CLTCL1: variants seen among roughly 807,000 people sequenced by gnomAD.
CLTCL1 encodes the protein clathrin heavy chain 2.
CLTCL1 carries 159 observed loss-of-function variants against 190.0 expected under a neutral mutation model. The observed-to-expected ratio is 0.84, with a 90% CI of 0.74 to 0.95. CLTCL1 has a LOEUF of 0.95. Ranked by LOEUF, CLTCL1 falls within the 40% of genes least tolerant of loss-of-function variation. CLTCL1 has a pLI of 0.00. For synonymous variants in CLTCL1, 752 were observed against 769.6 expected, an observed-to-expected ratio of 0.98 and a Z score of 0.38; for missense variants, 1,878 against 2,033.4, an observed-to-expected ratio of 0.92 and a Z score of 1.47.
intron 18 of CLTCL1, among the ~76,000 whole-genome samples, chr22:19,218,415 A>G (rs1555950688): frequency 1.3e-5 from 2 of 152,230 alleles, no homozygotes; most frequent in African/African-American, 4.8e-5. Context: ...CCTTCCATAA[A>G]TCTCAAAGTA....
At chr22:19,187,253 T>C (rs2084343797) in intron 29 of CLTCL1, among the ~76,000 whole-genome samples, 1 of 152,172 alleles carries the variant, frequency 6.6e-6, no homozygotes, top group Non-Finnish European at 1.5e-5. Flanking sequence ...GAAGTGAATC[T>C]TGCCACACTG....
intron 4 of CLTCL1, among the ~76,000 whole-genome samples, chr22:19,241,243 A>G (rs954737043): frequency 6.6e-6 from 1 of 152,216 alleles, no homozygotes; most frequent in Non-Finnish European, 1.5e-5. Flanking sequence ...GTCTGTGTAC[A>G]GAGCCCCGCT....
intron 6 of CLTCL1, among the ~76,000 whole-genome samples, chr22:19,235,038 A>G (rs532138467): frequency 2.0e-4 from 31 of 152,266 alleles, no homozygotes; most frequent in African/African-American, 7.2e-4. Flanking sequence ...TTTCTTTTTT[A>G]AAAAATATTT....
At chr22:19,243,423 G>C (rs2086316419) in intron 3 of CLTCL1, among the ~76,000 whole-genome samples, 1 of 152,152 alleles carries the variant, frequency 6.6e-6, no homozygotes, top group African/African-American at 2.4e-5. Context: ...TTCAAGACTA[G>C]TCTGGGCAAC....
At chr22:19,242,712 G>A (rs1325241583) in intron 4 of CLTCL1, 63 bp downstream of exon 4, 18 of 1,575,722 alleles carry the variant, frequency 1.1e-5, no homozygotes, top group Admixed American at 8.4e-5. Context: ...CCACACACAC[G>A]CACACCCCTA....
Position 19,193,479 on chromosome 22 carries a change from G to A in CLTCL1, c.4192-2044C>T, listed in dbSNP as rs762524. ...GATGGGGTGAGTCCACTAGCCACGC[G>A]CCAGGACATGGAGCACTGGCAGGCC... On this transcript the variant is annotated intron_variant, in intron 26 of 32. Transcript: ENST00000427926. Among the ~76,000 whole-genome samples the A allele has an allele frequency of 5.4e-3, 817 of 152,278 alleles. 6 individuals carry two copies. The highest frequency in any genetic ancestry group is 0.018 in the African/African-American group (730 of 41,542).
At chr22:19,234,330 GTGT>G (rs1555960762) in intron 7 of CLTCL1, among the ~76,000 whole-genome samples, 176 bp downstream of exon 7, 1 of 152,170 alleles carries the variant, frequency 6.6e-6, no homozygotes, top group Non-Finnish European at 1.5e-5. Context: ...CAGCAAGAGT[GTGT>G]TTTTTGTTTA....
chr22:19,229,039 G>A (rs1486198254), intron 11 of CLTCL1, among the ~76,000 whole-genome samples: 1 of 152,130 alleles, frequency 6.6e-6, no homozygotes, highest in African/African-American at 2.4e-5. Context: ...TCCTCAAAAA[G>A]GTAAACATAG....
intron 2 of CLTCL1, 139 bp downstream of exon 2, chr22:19,275,484 T>C: frequency 1.1e-6 from 1 of 902,480 alleles, no homozygotes; most frequent in South Asian, 1.7e-5. Context: ...AACATAACTT[T>C]TGCTAAAACT....
intron 18 of CLTCL1, 28 bp from the exon 19 acceptor site, chr22:19,216,284 T>C (rs1555949464): frequency 1.9e-6 from 3 of 1,610,586 alleles, no homozygotes; most frequent in East Asian, 4.5e-5. Flanking sequence ...TTGAAAGAAC[T>C]TGATTAAAGT....
At chr22:19,279,852 G>A (rs1362397249) in intron 1 of CLTCL1, among the ~76,000 whole-genome samples, 4 of 152,012 alleles carry the variant, frequency 2.6e-5, no homozygotes, top group African/African-American at 9.7e-5. Context: ...CCCAAACAAT[G>A]TATGAAACAA....
Position 19,235,683 on chromosome 22 carries a change from C to G in CLTCL1, c.969+13G>C. 6.2e-7 allele frequency: 1 copy of G among 1,603,448 alleles called. No individual in the cohort carries two copies. The highest frequency in any genetic ancestry group is 8.5e-7 in the Non-Finnish European group (1 of 1,174,394). On this transcript the variant is annotated intron_variant, in intron 6 of 32. Transcript: ENST00000427926. ...ATGGAAAAGGTAGAAAATGAAATGTCAGAGTTACACACCTGTCCCTTTTTG... is the reference window on the plus strand; with the variant it reads ...ATGGAAAAGGTAGAAAATGAAATGTGAGAGTTACACACCTGTCCCTTTTTG...
chr22:19,241,645 G>A (rs2086256877), intron 4 of CLTCL1, among the ~76,000 whole-genome samples: 1 of 152,242 alleles, frequency 6.6e-6, no homozygotes, highest in Admixed American at 6.5e-5. Flanking sequence ...CAAGACGACT[G>A]TCTTGAAGCA....
At position 19,239,364 on chromosome 22, in the gene CLTCL1, G is replaced by A; in HGVS notation, c.706C>T (p.Pro236Ser). Residue 236 changes from proline to serine, a missense_variant, in exon 5 of 33, where the codon CCT becomes TCT. Transcript: ENST00000427926. Reference protein sequence around the residue: ...GKLHIIEVGQPAAGNQPFVKK... With the variant: ...GKLHIIEVGQSAAGNQPFVKK... ...ACAAAAGGTTGGTTTCCCGCTGCAGGCTGTCCAACTTCAATGATGTGCAAC... is the reference window on the plus strand; with the variant it reads ...ACAAAAGGTTGGTTTCCCGCTGCAGACTGTCCAACTTCAATGATGTGCAAC... 1 of 1,613,928 alleles carries A rather than the reference G, an allele frequency of 6.2e-7. No individual in the cohort carries two copies. The highest frequency in any genetic ancestry group is 8.5e-7 in the Non-Finnish European group (1 of 1,179,814).
chr22:19,280,318 T>C (rs543567520), intron 1 of CLTCL1, among the ~76,000 whole-genome samples: 11 of 152,082 alleles, frequency 7.2e-5, no homozygotes, highest in African/African-American at 2.7e-4. Flanking sequence ...AGATACTGGA[T>C]GATACTGAGA....
intron 22 of CLTCL1, chr22:19,207,868 C>T (rs781832369): frequency 4.6e-5 from 29 of 629,380 alleles, no homozygotes; most frequent in Middle Eastern, 8.3e-4. Context: ...CAGATGGGAC[C>T]ATCTAGTTGC....
rs1472377183 is a variant in CLTCL1, at chr22:19,225,382, A to G, written c.2128+71T>C. On this transcript the variant is annotated intron_variant, in intron 13 of 32. Coordinates refer to ENST00000427926, the MANE Select transcript of CLTCL1 (RefSeq NM_007098.4). ...GCAGGAAGGCCGTCTTAAGGCGGGC[A>G]GGTAGGCAGCAACACCTGAGAAAGG... The G allele has an allele frequency of 3.5e-6, 5 of 1,446,842 alleles. No homozygotes were observed. The East Asian group carries it at 1.0e-4, about 29-fold the overall frequency. 89.6% of individuals were successfully genotyped at this position (1,446,842 alleles called of 1,614,324 possible). A position where few individuals can be genotyped will look rare whatever the true frequency, so the allele number is the denominator to read the frequency against.
At chr22:19,194,183 C>A (rs954882520) in intron 26 of CLTCL1, among the ~76,000 whole-genome samples, 29 of 152,188 alleles carry the variant, frequency 1.9e-4, no homozygotes, top group African/African-American at 7.0e-4. Context: ...GGTGTACTTA[C>A]AATCCTTTAG....
At position 19,208,203 on chromosome 22, in the gene CLTCL1, G is replaced by A. The variant is rs2085110943; in HGVS notation, c.3551C>T (p.Ser1184Phe). 1.2e-6 allele frequency: 2 copies of A among 1,613,848 alleles called. No individual in the cohort carries two copies. The highest frequency in any genetic ancestry group is 2.7e-5 in the African/African-American group (2 of 75,034). ...TCCATTAATAAAATCTTCTAGCTCA[G>A]AAACACGGCTGGTTTTAGCCAAGGC... ...IFALAKTSRV[S>F]ELEDFINGPN... Residue 1184 changes from serine to phenylalanine, a missense_variant, in exon 22 of 33, where the codon TCT becomes TTT. Ser to Phe is a radical substitution (Grantham distance 155). Coordinates refer to ENST00000427926, the MANE Select transcript of CLTCL1 (RefSeq NM_007098.4).
Sources: allele counts gnomAD v4.1 joint callset (sites outside exome capture counted in the v4.1 genomes callset), GRCh38; gene constraint gnomAD v4.1.1; transcripts MANE v1.5; gene names NCBI Gene and HGNC (gene_info 2026-07-23, HGNC 2026-07-21).